The following IL1R1 variants were observed in gnomAD, a reference collection of about 807,000 sequenced individuals.
The protein encoded by IL1R1 is interleukin-1 receptor type 1.
Under a neutral mutation model 50.2 loss-of-function variants are expected in IL1R1, and 22 were observed. The observed-to-expected ratio is 0.44, with a 90% CI of 0.31 to 0.63. The LOEUF is 0.63. Ranked by LOEUF, IL1R1 falls within the 20% of genes least tolerant of loss-of-function variation. The probability of loss-of-function intolerance (pLI) is 0.07; values close to 1 mark genes in which losing one functional copy is unlikely to be tolerated. For synonymous variants in IL1R1, 251 were observed against 236.7 expected (o/e 1.06, Z -0.55); for missense variants, 509 against 676.2 (o/e 0.75, Z 2.74).
In IL1R1 at chr2:102,151,737, G is replaced by A. The variant is rs550842755; in HGVS notation, c.-83-2204G>A. ...TGGAGGAGCAGATGTCTGCAAGGGCGCTGTGGGAAGCTTCTGATCAGAATC... is the reference window on the plus strand; with the variant it reads ...TGGAGGAGCAGATGTCTGCAAGGGCACTGTGGGAAGCTTCTGATCAGAATC... On this transcript the variant is annotated intron_variant, in intron 1 of 11. Coordinates refer to ENST00000410023, the MANE Select transcript of IL1R1 (RefSeq NM_000877.4). Among the ~76,000 whole-genome samples the A allele has an allele frequency of 7.2e-5, 11 of 152,352 alleles. No individual in the cohort carries two copies. The South Asian group carries it at 8.3e-4, about 11-fold the overall frequency.
At chr2:102,143,230 G>A (rs1682828979) in intron 1 of IL1R1, among the ~76,000 whole-genome samples, 1 of 152,194 alleles carries the variant, frequency 6.6e-6, no homozygotes, top group African/African-American at 2.4e-5. Context: ...TGTTCAGGTC[G>A]TTTGAAGGAA....
intron 1 of IL1R1, among the ~76,000 whole-genome samples, chr2:102,098,163 G>A (rs1679985737): frequency 6.6e-6 from 1 of 152,000 alleles, no homozygotes; most frequent in Non-Finnish European, 1.5e-5. Flanking sequence ...GGGAAAAACT[G>A]TTATTAATAG....
chr2:102,088,936 A>G (rs553316592), intron 1 of IL1R1, among the ~76,000 whole-genome samples: 3 of 152,196 alleles, frequency 2.0e-5, no homozygotes, highest in African/African-American at 4.8e-5. Flanking sequence ...CAGCCTTCCT[A>G]AAATTGAAGA....
intron 1 of IL1R1, among the ~76,000 whole-genome samples, chr2:102,094,370 C>T (rs1439451008): frequency 6.6e-6 from 1 of 152,102 alleles, no homozygotes; most frequent in Non-Finnish European, 1.5e-5. Flanking sequence ...TATCAGAGAA[C>T]CTGATAGATA....
chr2:102,139,090 G>C (rs1682500761), upstream of IL1R1, among the ~76,000 whole-genome samples: 1 of 152,084 alleles, frequency 6.6e-6, no homozygotes, highest in Non-Finnish European at 1.5e-5. Flanking sequence ...GGGGTGGTGG[G>C]GCTAAAGTGG....
At chr2:102,080,322 C>A (rs1679151175) in intron 1 of IL1R1, among the ~76,000 whole-genome samples, 2 of 152,092 alleles carry the variant, frequency 1.3e-5, no homozygotes, top group African/African-American at 4.8e-5. Context: ...AAAATATTGG[C>A]AAATTATCTG....
chr2:102,132,188 A>G (rs920814295), intron 1 of IL1R1, among the ~76,000 whole-genome samples: 2 of 151,880 alleles, frequency 1.3e-5, no homozygotes, highest in Non-Finnish European at 2.9e-5. Flanking sequence ...ATGTTAGAGG[A>G]AATCCTTCAG....
rs199771647 is a variant in IL1R1 at position 102,165,098 on chromosome 2, A to G, written c.297-17A>G. On this transcript the variant is annotated splice_polypyrimidine_tract_variant and intron_variant, in intron 4 of 11. Transcript: ENST00000410023. ...ACTTTTAATAATGCTTAACTTACCT[A>G]TTTTATTTTATTTTAGAAATTCATC... is the stretch of plus-strand genomic sequence containing the variant. 1.9e-6 allele frequency: 3 copies of G among 1,550,956 alleles called. No homozygotes were observed. The highest frequency in any genetic ancestry group is 2.0e-5 in the Admixed American group (1 of 48,818).
chr2:102,176,202 TAAA>T (rs1438579038), intron 11 of IL1R1, 148 bp from the exon 12 acceptor site: 2 of 646,914 alleles, frequency 3.1e-6, no homozygotes, highest in Admixed American at 6.1e-5. Flanking sequence ...ATTAATTAAT[TAAA>T]AACATGGGAA....
At chr2:102,118,408 G>T (rs1220390594) in intron 1 of IL1R1, among the ~76,000 whole-genome samples, 2 of 152,134 alleles carry the variant, frequency 1.3e-5, no homozygotes, top group African/African-American at 4.8e-5. Context: ...ATAGTAAGCT[G>T]GGAAATGTGT....
intron 1 of IL1R1, among the ~76,000 whole-genome samples, chr2:102,081,171 C>G (rs547341016): frequency 1.3e-5 from 2 of 151,978 alleles, no homozygotes; most frequent in African/African-American, 4.8e-5. Flanking sequence ...ATACTGAAAC[C>G]CTTTGAATTG....
At chr2:102,151,982 C>T (rs78257875) in intron 1 of IL1R1, among the ~76,000 whole-genome samples, 1,615 of 152,002 alleles carry the variant, frequency 0.011, 28 homozygotes, top group African/African-American at 0.037. Flanking sequence ...CAGAAGGGGC[C>T]GATGGGATGG....
intron 1 of IL1R1, among the ~76,000 whole-genome samples, chr2:102,106,772 A>G (rs1401633404): frequency 6.6e-6 from 1 of 152,212 alleles, no homozygotes; most frequent in African/African-American, 2.4e-5. Flanking sequence ...CCTCACAGCG[A>G]TGGAGCATCT....
At chr2:102,129,277 A>T (rs1681898446) in intron 1 of IL1R1, among the ~76,000 whole-genome samples, 1 of 151,584 alleles carries the variant, frequency 6.6e-6, no homozygotes, top group Non-Finnish European at 1.5e-5. Flanking sequence ...CAACAACAAC[A>T]ACAACAACAA....
At chr2:102,082,638 C>G (rs973243219) in intron 1 of IL1R1, among the ~76,000 whole-genome samples, 2 of 152,144 alleles carry the variant, frequency 1.3e-5, no homozygotes, top group Non-Finnish European at 2.9e-5. Context: ...CAAAACAAAA[C>G]AGAACAAACG....
chr2:102,135,582 C>T (rs1682298819), intron 1 of IL1R1, among the ~76,000 whole-genome samples: 2 of 152,238 alleles, frequency 1.3e-5, no homozygotes, highest in South Asian at 4.1e-4. Context: ...AAATACAGAA[C>T]GAATGATCAC....
At chr2:102,175,093 T>TTC (rs3917317) in intron 10 of IL1R1, among the ~76,000 whole-genome samples, 82,229 of 148,934 alleles carry the variant, frequency 0.55, 24,534 homozygotes, top group African/African-American at 0.79. Context: ...ATCAGGGAGG[T>TTC]TCTCTCTCTC....
intron 1 of IL1R1, among the ~76,000 whole-genome samples, chr2:102,128,200 A>G (rs1681832984): frequency 5.9e-5 from 9 of 152,216 alleles, no homozygotes; most frequent in Admixed American, 5.9e-4. Context: ...TCTGTTAGCC[A>G]GAAATACTAG....
chr2:102,174,103 C>T (rs537995393), intron 9 of IL1R1, among the ~76,000 whole-genome samples: 2 of 152,266 alleles, frequency 1.3e-5, no homozygotes, highest in East Asian at 3.9e-4. Flanking sequence ...CTCCCCATCA[C>T]CTACTCCATC....
Sources: allele counts gnomAD v4.1 joint callset (sites outside exome capture counted in the v4.1 genomes callset), GRCh38; gene constraint gnomAD v4.1.1; transcripts MANE v1.5; gene names NCBI Gene and HGNC (gene_info 2026-07-23, HGNC 2026-07-21).